Variants in ZNF529 observed in about 807,000 individuals in gnomAD.
ZNF529 encodes zinc finger protein 529.
A neutral mutation model predicts 10.1 loss-of-function variants in ZNF529; 11 were observed. The observed-to-expected ratio is 1.09, with a 90% CI of 0.69 to 1.81. The LOEUF is 1.81. ZNF529 is among the 40% of genes most tolerant of loss of function. The pLI is 0.00. For missense variants in ZNF529, 624 were observed against 666.8 expected (o/e 0.94, Z 0.71); for synonymous variants, 204 against 215.7 (o/e 0.95, Z 0.47).
chr19:36,600,909 G>A (rs1460529452), intron 1 of ZNF529, among the ~76,000 whole-genome samples: 1 of 152,018 alleles, frequency 6.6e-6, no homozygotes, highest in East Asian at 1.9e-4. Context: ...AAATCAATCA[G>A]TTCACAAGCC....
upstream of ZNF529, among the ~76,000 whole-genome samples, chr19:36,575,913 G>A (rs1456772819): frequency 2.6e-5 from 4 of 151,848 alleles, no homozygotes; most frequent in East Asian, 1.9e-4. Context: ...CAATGGCGTC[G>A]TCTTGGCTCC....
chr19:36,554,125 A>G (rs961552535), intron 4 of ZNF529, among the ~76,000 whole-genome samples: 3 of 152,256 alleles, frequency 2.0e-5, no homozygotes, highest in Non-Finnish European at 4.4e-5. Context: ...GTGTCCCATA[A>G]GTCAAATCCA....
chr19:36,600,851 T>C lies in ZNF529; in HGVS notation c.-128+4275A>G, dbSNP rs542900419. Among the ~76,000 whole-genome samples the C allele has an allele frequency of 4.6e-5, 7 of 152,332 alleles. No homozygotes were observed. In the South Asian group the frequency reaches 8.3e-4, roughly 18 times the overall value. On this transcript the variant is annotated intron_variant, in intron 1 of 4. Coordinates refer to the ZNF529 transcript ENST00000585960. ...AATTGCATATAATTTTCACATGTCATGAAATATTATTCTCCTTTTGATTTG... is the reference window on the plus strand; with the variant it reads ...AATTGCATATAATTTTCACATGTCACGAAATATTATTCTCCTTTTGATTTG...
upstream of ZNF529, among the ~76,000 whole-genome samples, chr19:36,575,131 A>C (rs1317040825): frequency 6.6e-6 from 1 of 152,228 alleles, no homozygotes; most frequent in Non-Finnish European, 1.5e-5. Context: ...TGTCTGTGCT[A>C]ATTGTTATTT....
upstream of ZNF529, chr19:36,605,283 G>A (rs1388802980): frequency 6.6e-6 from 1 of 152,382 alleles, no homozygotes; most frequent in Non-Finnish European, 1.5e-5. Context: ...AGACTCCTGG[G>A]AGCTCAGGCC....
At chr19:36,556,014 G>C in intron 3 of ZNF529, 90 bp downstream of exon 3, 1 of 1,334,504 alleles carries the variant, frequency 7.5e-7, no homozygotes. Flanking sequence ...AGAAGTATGG[G>C]GTTGTGGTAC....
intron 2 of ZNF529, chr19:36,589,597 C>G (rs2036660637): frequency 6.6e-6 from 1 of 151,986 alleles, no homozygotes; most frequent in Non-Finnish European, 1.5e-5. Flanking sequence ...TTACACAGCC[C>G]TAAAAGTTAG....
At chr19:36,603,505 A>G (rs1178629792) in intron 1 of ZNF529, among the ~76,000 whole-genome samples, 2 of 152,238 alleles carry the variant, frequency 1.3e-5, no homozygotes, top group African/African-American at 4.8e-5. Context: ...CATAAAACAA[A>G]GAAAAAAATC....
chr19:36,593,710 C>T (rs2036778259), intron 1 of ZNF529: 1 of 152,170 alleles, frequency 6.6e-6, no homozygotes, highest in Non-Finnish European at 1.5e-5. Context: ...TTACATAGGA[C>T]ATTTCAAGAT....
chr19:36,604,414 A>G (rs1345795925), intron 1 of ZNF529, among the ~76,000 whole-genome samples: 1 of 151,472 alleles, frequency 6.6e-6, no homozygotes, highest in African/African-American at 2.5e-5. Flanking sequence ...TAGCCATTTG[A>G]CTGCACACTG....
Position 36,555,586 on chromosome 19 carries a change from G to A in ZNF529, c.108+518C>T, listed in dbSNP as rs1353475271. On this transcript the variant is annotated intron_variant, in intron 3 of 4. Coordinates refer to ENST00000591340, the MANE Select transcript of ZNF529 (RefSeq NM_020951.5). ...GCTGGGATTACAGGCGTGAGCCACC[G>A]CGCCCGGCCGCGATAAAGTTTTTAG... is the stretch of plus-strand genomic sequence containing the variant. 7.8e-5 allele frequency among the ~76,000 whole-genome samples: 2 copies of A among 25,572 alleles called. 1 individual carries two copies. Among genetic ancestry groups the A allele is most frequent in the Non-Finnish European group, 1.5e-4 (2 of 13,192 alleles). The allele number at this position is 25,572 out of a possible 152,430, so 16.8% of individuals were successfully genotyped here. A position where few individuals can be genotyped will look rare whatever the true frequency, so the allele number is the denominator to read the frequency against.
At chr19:36,604,315 A>AACAC (rs1385369902) in intron 1 of ZNF529, among the ~76,000 whole-genome samples, 1 of 152,200 alleles carries the variant, frequency 6.6e-6, no homozygotes, top group Non-Finnish European at 1.5e-5. Context: ...TGCATATCAG[A>AACAC]ACACAGCCTT....
At chr19:36,590,441 T>C (rs2036680322) in intron 1 of ZNF529, among the ~76,000 whole-genome samples, 1 of 152,048 alleles carries the variant, frequency 6.6e-6, no homozygotes, top group South Asian at 2.1e-4. Context: ...AAAGTAGGGA[T>C]TCTGTATTTA....
chr19:36,594,743 A>G (rs932448229), intron 1 of ZNF529: 29 of 152,368 alleles, frequency 1.9e-4, no homozygotes, highest in African/African-American at 6.7e-4. Context: ...TCATGCAGCA[A>G]CTGGAACTGC....
upstream of ZNF529, among the ~76,000 whole-genome samples, chr19:36,578,291 C>CTTTTTTTTTTTTTTTT (rs1159725232): frequency 6.3e-5 from 2 of 31,794 alleles, no homozygotes; most frequent in Admixed American, 5.7e-4. Context: ...GTCTTGATCT[C>CTTTTTTTTTTTTTTTT]TTTTTTTTTT....
chr19:36,587,090 C>T (rs1450703826), intron 2 of ZNF529, among the ~76,000 whole-genome samples: 2 of 152,000 alleles, frequency 1.3e-5, no homozygotes, highest in Non-Finnish European at 2.9e-5. Flanking sequence ...CATGGTGAAA[C>T]CCCATCTCTA....
rs903116062 is a variant in ZNF529 at position 36,562,958 on chromosome 19, G to A, written c.15-6761C>T. ...GACTTCCTTGTCCTCCCTTTTGCACGTGAGGACACACGTCCTTTCTGGAGG... is the reference window on the plus strand; with the variant it reads ...GACTTCCTTGTCCTCCCTTTTGCACATGAGGACACACGTCCTTTCTGGAGG... On this transcript the variant is annotated intron_variant, in intron 2 of 4. Transcript: ENST00000591340. 3.3e-5 allele frequency among the ~76,000 whole-genome samples: 5 copies of A among 152,248 alleles called. No homozygotes were observed. In the South Asian group the frequency reaches 8.3e-4, roughly 25 times the overall value.
intron 2 of ZNF529, among the ~76,000 whole-genome samples, chr19:36,585,424 C>G (rs1305103646): frequency 6.6e-6 from 1 of 152,170 alleles, no homozygotes; most frequent in African/African-American, 2.4e-5. Context: ...ACAATCCCCA[C>G]CTGCACTGTT....
rs1051784947 is a variant in ZNF529, at chr19:36,563,338, G to A, written c.15-7141C>T. ...CTCGGGAGGCTGAGGCAGGAAAATCGCGTGAACCCAGGAGGCGGAGGTTGC... is the reference window on the plus strand; with the variant it reads ...CTCGGGAGGCTGAGGCAGGAAAATCACGTGAACCCAGGAGGCGGAGGTTGC... On this transcript the variant is annotated intron_variant, in intron 2 of 4. Coordinates refer to ENST00000591340, the MANE Select transcript of ZNF529 (RefSeq NM_020951.5). Among the ~76,000 whole-genome samples the A allele has an allele frequency of 7.9e-5, 12 of 151,750 alleles. No homozygotes were observed. In the South Asian group the frequency reaches 1.0e-3, roughly 13 times the overall value.
Sources: allele counts gnomAD v4.1 joint callset (sites outside exome capture counted in the v4.1 genomes callset), GRCh38; gene constraint gnomAD v4.1.1; transcripts MANE v1.5; gene names NCBI Gene and HGNC (gene_info 2026-07-23, HGNC 2026-07-21).